Variants in SIPA1L2 observed in about 807,000 individuals in gnomAD.
SIPA1L2 encodes the protein signal-induced proliferation-associated 1-like protein 2.
Under a neutral mutation model 163.9 loss-of-function variants are expected in SIPA1L2, and 56 were observed. The ratio of observed to expected loss-of-function variants is 0.34; its 90% confidence interval spans 0.28 to 0.43. The LOEUF (loss-of-function observed/expected upper bound fraction) is 0.43, where lower values mean the gene tolerates loss of function less well. SIPA1L2 is among the 20% of genes least tolerant of loss of function. The pLI is 1.00. For synonymous variants in SIPA1L2, 877 were observed against 865.7 expected, an observed-to-expected ratio of 1.01 and a Z score of -0.23; for missense variants, 1,974 against 2,193.5, an observed-to-expected ratio of 0.90 and a Z score of 2.00.
At chr1:232,552,489 G>A (rs1452433847) in intron 2 of SIPA1L2, among the ~76,000 whole-genome samples, 4 of 151,922 alleles carry the variant, frequency 2.6e-5, no homozygotes, top group Non-Finnish European at 5.9e-5. Flanking sequence ...TTCTGCCTCA[G>A]CCTCCCAAGC....
intron 2 of SIPA1L2, among the ~76,000 whole-genome samples, chr1:232,544,651 G>C (rs889106990): frequency 1.3e-5 from 2 of 152,110 alleles, no homozygotes; most frequent in African/African-American, 4.8e-5. Flanking sequence ...CTTGGTCAAA[G>C]TGATTAAGAA....
At chr1:232,553,002 T>C (rs1259693878) in intron 2 of SIPA1L2, among the ~76,000 whole-genome samples, 1 of 152,184 alleles carries the variant, frequency 6.6e-6, no homozygotes, top group African/African-American at 2.4e-5. Context: ...AGCTCTGCCA[T>C]CTGCAGACGG....
chr1:232,474,438 T>C (rs1183717119), intron 7 of SIPA1L2, among the ~76,000 whole-genome samples: 2 of 152,216 alleles, frequency 1.3e-5, no homozygotes, highest in African/African-American at 2.4e-5. Flanking sequence ...ATACCATATA[T>C]GGCCGTAGGT....
rs1013249335 is a variant in SIPA1L2, at chr1:232,630,089, C to G, written c.-539G>C. On this transcript the variant is annotated 5_prime_UTR_variant, in exon 1 of 23. Transcript: ENST00000674635. The stretch of plus-strand genomic sequence containing the variant: ...GGGGGCGCGGTGCTCCTCCTCCGTC[C>G]TCCTCCTCCTCTCGCTCCGCCAGCT... 6.6e-6 allele frequency among the ~76,000 whole-genome samples: 1 copy of G among 150,758 alleles called. No homozygotes were observed. The highest frequency in any genetic ancestry group is 2.0e-4 in the East Asian group (1 of 5,122).
intron 1 of SIPA1L2, among the ~76,000 whole-genome samples, chr1:232,598,511 T>C (rs1661404817): frequency 6.6e-6 from 1 of 152,210 alleles, no homozygotes. Flanking sequence ...AATTATGCAG[T>C]GTCTTAGCCT....
chr1:232,528,670 G>C (rs1025954430), intron 2 of SIPA1L2, among the ~76,000 whole-genome samples: 1 of 152,146 alleles, frequency 6.6e-6, no homozygotes, highest in African/African-American at 2.4e-5. Context: ...TGAGACCCAT[G>C]CACAGACCTG....
rs561205244 is a variant in SIPA1L2, at chr1:232,449,827, C to T, written c.3096-4041G>A. On this transcript the variant is annotated intron_variant, in intron 10 of 22. Coordinates refer to ENST00000674635, the MANE Select transcript of SIPA1L2 (RefSeq NM_020808.5). ...GGTGGGAGCCTAAGGGTCTAAGGAC[C>T]TGGGCGTGGAATAGTTCCATTCTTC... Among the ~76,000 whole-genome samples the T allele has an allele frequency of 3.3e-5, 5 of 152,240 alleles. No homozygotes were observed. The South Asian group carries it at 1.0e-3, about 32-fold the overall frequency.
At chr1:232,590,085 G>A (rs898947452) in intron 1 of SIPA1L2, among the ~76,000 whole-genome samples, 9 of 152,182 alleles carry the variant, frequency 5.9e-5, no homozygotes, top group East Asian at 1.9e-4. Flanking sequence ...ATCCAGCAAC[G>A]CAATCCGGGA....
chr1:232,473,278 T>C (rs1004203157), intron 7 of SIPA1L2, among the ~76,000 whole-genome samples: 1 of 152,238 alleles, frequency 6.6e-6, no homozygotes, highest in African/African-American at 2.4e-5. Flanking sequence ...GTGTTCAATG[T>C]ATCTGTAGAC....
chr1:232,592,819 A>AG (rs900738124), intron 1 of SIPA1L2, among the ~76,000 whole-genome samples: 32 of 152,068 alleles, frequency 2.1e-4, no homozygotes, highest in African/African-American at 7.5e-4. Context: ...GAAAAAAAAA[A>AG]AAAGGTGAAA....
Position 232,456,170 on chromosome 1 carries a change from A to T in SIPA1L2, c.3095+4717T>A, listed in dbSNP as rs150688863. Among the ~76,000 whole-genome samples, 196 of 152,304 alleles carry T rather than the reference A, an allele frequency of 1.3e-3. 1 individual carries two copies. Among genetic ancestry groups the T allele is most frequent in the African/African-American group, 3.9e-3 (161 of 41,566 alleles). On this transcript the variant is annotated intron_variant, in intron 10 of 22. Coordinates refer to ENST00000674635, the MANE Select transcript of SIPA1L2 (RefSeq NM_020808.5). ...GGGATAAAGCATGGAAAAAATTTTT[A>T]AAAAAAGAAGGCTCACTTGAGTCCA...
intron 2 of SIPA1L2, among the ~76,000 whole-genome samples, chr1:232,547,294 A>T (rs10797577): frequency 0.2 from 29,957 of 152,002 alleles, 3,245 homozygotes; most frequent in East Asian, 0.35. Context: ...AACAGACAGG[A>T]GACTGGTATA....
intron 5 of SIPA1L2, among the ~76,000 whole-genome samples, chr1:232,486,555 C>A (rs191947062): frequency 6.6e-6 from 1 of 152,338 alleles, no homozygotes. Flanking sequence ...CCTTGCTACA[C>A]ACATGGAGTG....
chr1:232,455,642 G>A (rs1249635122), intron 10 of SIPA1L2, among the ~76,000 whole-genome samples: 1 of 148,162 alleles, frequency 6.7e-6, no homozygotes, highest in Non-Finnish European at 1.5e-5. Context: ...AGCTTGCAGC[G>A]AGCCGGAGCT....
chr1:232,456,697 C>G (rs913715928), intron 10 of SIPA1L2, among the ~76,000 whole-genome samples: 4 of 152,202 alleles, frequency 2.6e-5, no homozygotes, highest in African/African-American at 7.2e-5. Flanking sequence ...AGGCCAGAGG[C>G]CAGGGCCATA....
chr1:232,507,487 A>C (rs2103029834), intron 3 of SIPA1L2, among the ~76,000 whole-genome samples: 1 of 152,312 alleles, frequency 6.6e-6, no homozygotes, highest in South Asian at 2.1e-4. Context: ...TGAGTCACTA[A>C]ATGCAGCCCA....
At chr1:232,548,762 C>A (rs1328267287) in intron 2 of SIPA1L2, among the ~76,000 whole-genome samples, 2 of 152,034 alleles carry the variant, frequency 1.3e-5, no homozygotes, top group Non-Finnish European at 2.9e-5. Context: ...CAGAGGGGGC[C>A]CAGATCAACT....
intron 2 of SIPA1L2, among the ~76,000 whole-genome samples, chr1:232,558,525 A>C (rs945020986): frequency 1.6e-4 from 24 of 152,240 alleles, no homozygotes; most frequent in African/African-American, 4.6e-4. Context: ...CATGGTGAGC[A>C]TATTTAGTTT....
rs1394737339 is a variant in SIPA1L2, at chr1:232,460,932, A to G, written c.3050T>C (p.Val1017Ala). 1.9e-6 allele frequency: 3 copies of G among 1,614,110 alleles called. No homozygotes were observed. Among genetic ancestry groups the G allele is most frequent in the South Asian group, 1.1e-5 (1 of 91,090 alleles). The change falls in exon 10 of 23, where the codon GTG becomes GCG. Residue 1017 changes from valine (V) to alanine (A), a missense_variant. By Grantham distance (64) the Val-to-Ala change is moderately conservative. Coordinates refer to ENST00000674635, the MANE Select transcript of SIPA1L2 (RefSeq NM_020808.5). ...ATGGGGCTGGATGATGACCACCTTC[A>G]CAGTCACAGAAGTACGGAGCAGGTC... ...MIDLLRTSVT[V>A]KVVIIQPHDD...
Sources: gnomAD v4.1 joint callset for allele counts (sites outside exome capture counted in the v4.1 genomes callset) on GRCh38, gnomAD v4.1.1 for gene constraint, MANE v1.5 for transcripts, NCBI Gene and HGNC (gene_info 2026-07-23, HGNC 2026-07-21) for gene names.